The following FSIP1 variants were observed in gnomAD, a reference collection of about 807,000 sequenced individuals.
FSIP1 encodes the protein fibrous sheath-interacting protein 1.
FSIP1 carries 65 observed loss-of-function variants against 60.9 expected under a neutral mutation model. The observed-to-expected ratio is 1.07, with a 90% CI of 0.87 to 1.31. FSIP1 has a LOEUF of 1.31. Among genes scored for constraint, FSIP1 ranks in the 40% most tolerant of loss-of-function variants. The pLI, the probability that FSIP1 is intolerant of heterozygous loss-of-function variation, is 0.00. For synonymous variants in FSIP1, 209 were observed against 221.2 expected (o/e 0.94, Z 0.49); for missense variants, 675 against 665.5 (o/e 1.01, Z -0.16).
chr15:39,778,187 T>G (rs898622126), intron 1 of FSIP1, among the ~76,000 whole-genome samples: 6 of 152,162 alleles, frequency 3.9e-5, no homozygotes, highest in African/African-American at 7.2e-5. Flanking sequence ...CCAAAAAGCA[T>G]AAGTCACCAA....
At chr15:39,601,688 T>C (rs1338848109) in intron 11 of FSIP1, among the ~76,000 whole-genome samples, 2 of 152,224 alleles carry the variant, frequency 1.3e-5, no homozygotes, top group South Asian at 2.1e-4. Flanking sequence ...CAAAATGTGA[T>C]ATATCCATAT....
chr15:39,610,708 A>C (rs1419143128), intron 11 of FSIP1, among the ~76,000 whole-genome samples: 2 of 152,188 alleles, frequency 1.3e-5, no homozygotes, highest in Non-Finnish European at 2.9e-5. Context: ...AAAGACAAAG[A>C]ATCCTGAAAG....
chr15:39,753,645 T>C (rs996175568), intron 5 of FSIP1, among the ~76,000 whole-genome samples: 2 of 152,062 alleles, frequency 1.3e-5, no homozygotes, highest in African/African-American at 2.4e-5. Context: ...AATTTAAATA[T>C]ATATTGAAAT....
intron 10 of FSIP1, among the ~76,000 whole-genome samples, chr15:39,695,843 C>G (rs1894792856): frequency 6.6e-6 from 1 of 152,194 alleles, no homozygotes; most frequent in African/African-American, 2.4e-5. Context: ...TAAAAGTAGA[C>G]TCACTCAAGA....
At chr15:39,706,349 C>T (rs2140535041) in intron 10 of FSIP1, among the ~76,000 whole-genome samples, 1 of 152,240 alleles carries the variant, frequency 6.6e-6, no homozygotes, top group South Asian at 2.1e-4. Context: ...ATCTTTACAC[C>T]ACTCTTACTG....
At chr15:39,698,751 G>A (rs1223706881) in intron 10 of FSIP1, among the ~76,000 whole-genome samples, 1 of 152,112 alleles carries the variant, frequency 6.6e-6, no homozygotes, top group African/African-American at 2.4e-5. Flanking sequence ...ACACTAAAGT[G>A]CCACCACAAT....
chr15:39,709,154 G>C (rs1895394569), intron 10 of FSIP1, among the ~76,000 whole-genome samples: 1 of 152,138 alleles, frequency 6.6e-6, no homozygotes, highest in African/African-American at 2.4e-5. Context: ...TAACCCCCAG[G>C]GTTCCTATAC....
chr15:39,660,531 T>C (rs2140451879), intron 10 of FSIP1, among the ~76,000 whole-genome samples: 1 of 152,326 alleles, frequency 6.6e-6, no homozygotes, highest in East Asian at 1.9e-4. Context: ...CAAGTAACTT[T>C]TGGCAGATTT....
chr15:39,695,410 A>G (rs1894775765), intron 10 of FSIP1, among the ~76,000 whole-genome samples: 1 of 151,926 alleles, frequency 6.6e-6, no homozygotes. Context: ...TTGCCAAAGT[A>G]TCACATTCTA....
chr15:39,608,457 G>T (rs2140366687), intron 11 of FSIP1, among the ~76,000 whole-genome samples: 1 of 152,280 alleles, frequency 6.6e-6, no homozygotes, highest in Middle Eastern at 3.4e-3. Context: ...ATGGGAATGA[G>T]ATCCCATACA....
chr15:39,634,413 C>T (rs1406074559), intron 10 of FSIP1, among the ~76,000 whole-genome samples: 1 of 152,168 alleles, frequency 6.6e-6, no homozygotes, highest in Non-Finnish European at 1.5e-5. Context: ...TCTATCACAC[C>T]AATGCCCTGC....
intron 11 of FSIP1, among the ~76,000 whole-genome samples, chr15:39,609,386 T>C (rs1595527767): frequency 1.3e-5 from 2 of 151,954 alleles, no homozygotes; most frequent in South Asian, 2.1e-4. Flanking sequence ...CTAAGGAGGG[T>C]AGCAACGGGC....
intron 10 of FSIP1, among the ~76,000 whole-genome samples, chr15:39,659,553 A>AC (rs1893209575): frequency 6.6e-6 from 1 of 151,662 alleles, no homozygotes; most frequent in African/African-American, 2.4e-5. Flanking sequence ...AAAAAAAAAA[A>AC]AACACTGAAT....
intron 10 of FSIP1, among the ~76,000 whole-genome samples, chr15:39,712,724 G>C (rs1895573600): frequency 6.6e-6 from 1 of 152,128 alleles, no homozygotes. Context: ...GTATGACAGA[G>C]CAATTCTAAG....
chr15:39,720,476 C>T (rs1895909643), intron 9 of FSIP1, among the ~76,000 whole-genome samples: 3 of 152,214 alleles, frequency 2.0e-5, no homozygotes, highest in Non-Finnish European at 2.9e-5. Context: ...CAAGGAGAGC[C>T]ATTTCTGAGG....
intron 5 of FSIP1, among the ~76,000 whole-genome samples, chr15:39,762,044 G>T (rs1168434508): frequency 6.6e-6 from 1 of 152,190 alleles, no homozygotes; most frequent in African/African-American, 2.4e-5. Context: ...CGTATGTCTA[G>T]TCTTGGTTAT....
chr15:39,691,902 TGATA>T (rs1334389399), intron 10 of FSIP1, among the ~76,000 whole-genome samples: 2 of 151,792 alleles, frequency 1.3e-5, no homozygotes, highest in East Asian at 1.9e-4. Flanking sequence ...AGAGAGCGAG[TGATA>T]GATAGAGAAT....
At chr15:39,627,160 A>T (rs1891676016) in intron 10 of FSIP1, among the ~76,000 whole-genome samples, 1 of 152,164 alleles carries the variant, frequency 6.6e-6, no homozygotes, top group Non-Finnish European at 1.5e-5. Context: ...ACACTGCTCA[A>T]CGTGACTGGA....
At chr15:39,758,173 G>A (rs1298437627) in intron 5 of FSIP1, among the ~76,000 whole-genome samples, 1 of 151,992 alleles carries the variant, frequency 6.6e-6, no homozygotes. Flanking sequence ...AAATATACGG[G>A]CCAGGAGCTT....
Sources: allele counts gnomAD v4.1 joint callset (sites outside exome capture counted in the v4.1 genomes callset), GRCh38; gene constraint gnomAD v4.1.1; transcripts MANE v1.5; gene names NCBI Gene and HGNC (gene_info 2026-07-23, HGNC 2026-07-21).